Variants in KAZN observed in about 807,000 individuals in gnomAD.
KAZN encodes the protein kazrin, periplakin interacting protein.
A neutral mutation model predicts 87.4 loss-of-function variants in KAZN; 40 were observed. The ratio of observed to expected loss-of-function variants is 0.46; its 90% CI spans 0.36 to 0.60. The LOEUF (loss-of-function observed/expected upper bound fraction) is 0.60, where lower values mean the gene tolerates loss of function less well. Among genes scored for constraint, KAZN ranks in the 20% least tolerant of loss-of-function variants. KAZN has a pLI of 0.00. For synonymous variants in KAZN, 466 were observed against 458.3 expected (o/e 1.02, Z -0.22); for missense variants, 898 against 1,073.9 (o/e 0.84, Z 2.29).
At chr1:14,288,549 T>C (rs565165971) in intron 2 of KAZN, among the ~76,000 whole-genome samples, 34 of 152,304 alleles carry the variant, frequency 2.2e-4, no homozygotes, top group African/African-American at 7.9e-4. Flanking sequence ...TTTTGTTGCG[T>C]CTATTTGATT....
intron 1 of KAZN, among the ~76,000 whole-genome samples, chr1:13,943,954 T>A (rs1164178629): frequency 6.6e-6 from 1 of 152,198 alleles, no homozygotes; most frequent in Non-Finnish European, 1.5e-5. Context: ...GGTGCAATCA[T>A]TTTGGAAAAG....
chr1:14,182,315 G>T (rs756232024), intron 2 of KAZN, among the ~76,000 whole-genome samples: 2 of 152,136 alleles, frequency 1.3e-5, no homozygotes, highest in African/African-American at 4.8e-5. Flanking sequence ...CTGAAGGTAG[G>T]TGTCTACCTG....
chr1:14,756,612 G>T (rs1644573442), intron 1 of KAZN, among the ~76,000 whole-genome samples: 1 of 152,204 alleles, frequency 6.6e-6, no homozygotes, highest in African/African-American at 2.4e-5. Context: ...AATAGAGCCT[G>T]TTTCATTGGA....
chr1:14,774,147 C>G (rs1243007746), intron 1 of KAZN, among the ~76,000 whole-genome samples: 1 of 152,232 alleles, frequency 6.6e-6, no homozygotes, highest in Non-Finnish European at 1.5e-5. Context: ...TTTCTCTTCT[C>G]TCTCACCCCT....
At chr1:14,621,082 C>G (rs1474427256) in intron 1 of KAZN, among the ~76,000 whole-genome samples, 1 of 152,152 alleles carries the variant, frequency 6.6e-6, no homozygotes, top group East Asian at 1.9e-4. Flanking sequence ...TTCTACTTCC[C>G]AGGGGAGCTG....
Position 14,293,455 on chromosome 1 carries a change from C to A in KAZN, c.249+112863C>A, listed in dbSNP as rs1300071384. On this transcript the variant is annotated intron_variant, in intron 2 of 16. Transcript: ENST00000636203. ...CTTCTTCTTTAAGAAAATTCGCATT[C>A]TAATCAATCAAGTTTGAATCCCTTT... 2.6e-5 allele frequency among the ~76,000 whole-genome samples: 4 copies of A among 152,138 alleles called. No individual in the cohort carries two copies. In the South Asian group the frequency reaches 8.3e-4, roughly 32 times the overall value.
At chr1:13,901,633 G>C (rs1207351593) in intron 1 of KAZN, among the ~76,000 whole-genome samples, 1 of 152,236 alleles carries the variant, frequency 6.6e-6, no homozygotes, top group Non-Finnish European at 1.5e-5. Context: ...GGGCCACCAG[G>C]TTACAAGCTC....
chr1:14,732,936 G>A (rs1465649822), intron 1 of KAZN, among the ~76,000 whole-genome samples: 1 of 152,094 alleles, frequency 6.6e-6, no homozygotes, highest in East Asian at 1.9e-4. Context: ...TTTTCTGAAT[G>A]AACAGGGAAA....
chr1:14,418,930 G>GACCA (rs1665090366), intron 2 of KAZN, among the ~76,000 whole-genome samples: 1 of 152,170 alleles, frequency 6.6e-6, no homozygotes, highest in Non-Finnish European at 1.5e-5. Context: ...GGTTTGTGGG[G>GACCA]ACCACCTCGG....
At chr1:14,632,735 T>C (rs1360904822) in intron 1 of KAZN, among the ~76,000 whole-genome samples, 1 of 152,058 alleles carries the variant, frequency 6.6e-6, no homozygotes, top group Non-Finnish European at 1.5e-5. Context: ...AGAAATCCGC[T>C]TGTTTGATTT....
chr1:14,870,501 T>G (rs144612041), intron 1 of KAZN, among the ~76,000 whole-genome samples: 4,138 of 152,132 alleles, frequency 0.027, 208 homozygotes, highest in African/African-American at 0.094. Context: ...ACTACCACAC[T>G]GGCTAATTTT....
intron 4 of KAZN, among the ~76,000 whole-genome samples, chr1:15,047,555 G>A (rs1341981922): frequency 6.6e-6 from 1 of 152,186 alleles, no homozygotes. Context: ...CAGATGACTT[G>A]AGGTCAGGAG....
intron 1 of KAZN, among the ~76,000 whole-genome samples, chr1:14,767,992 C>G (rs1644928264): frequency 6.6e-6 from 1 of 152,174 alleles, no homozygotes; most frequent in African/African-American, 2.4e-5. Flanking sequence ...CAGGTTCAGG[C>G]ACAGAAGGAG....
At chr1:14,717,914 CT>C (rs1223870838) in intron 1 of KAZN, among the ~76,000 whole-genome samples, 2 of 152,240 alleles carry the variant, frequency 1.3e-5, no homozygotes, top group African/African-American at 4.8e-5. Flanking sequence ...TGGCTACCAT[CT>C]TGCCTGCTGT....
intron 1 of KAZN, among the ~76,000 whole-genome samples, chr1:14,615,739 G>A (rs1418055219): frequency 1.3e-5 from 2 of 152,132 alleles, no homozygotes; most frequent in South Asian, 2.1e-4. Flanking sequence ...ACCAGCCTCC[G>A]CAACTTGCAA....
intron 2 of KAZN, among the ~76,000 whole-genome samples, chr1:14,345,210 G>A (rs371264379): frequency 8.6e-5 from 13 of 151,876 alleles, no homozygotes; most frequent in Non-Finnish European, 1.6e-4. Context: ...GAGCCACCAC[G>A]CCAGGCCCAT....
At chr1:14,330,864 G>A (rs1319527009) in intron 2 of KAZN, among the ~76,000 whole-genome samples, 1 of 152,150 alleles carries the variant, frequency 6.6e-6, no homozygotes, top group Non-Finnish European at 1.5e-5. Context: ...AGACTCCCGG[G>A]ATATATCACT....
chr1:14,374,669 G>GGC (rs777083822), intron 2 of KAZN, among the ~76,000 whole-genome samples: 6 of 152,260 alleles, frequency 3.9e-5, no homozygotes, highest in Non-Finnish European at 8.8e-5. Context: ...TCAGGAGTGT[G>GGC]GCCTTTCTGA....
chr1:14,466,336 C>A (rs17410503), intron 2 of KAZN, among the ~76,000 whole-genome samples: 59,903 of 150,840 alleles, frequency 0.4, 12,857 homozygotes, highest in South Asian at 0.54. Flanking sequence ...ATAAGGAAAA[C>A]AAAAAAGGAG....
Sources: allele counts gnomAD v4.1 joint callset (sites outside exome capture counted in the v4.1 genomes callset), GRCh38; gene constraint gnomAD v4.1.1; transcripts MANE v1.5; gene names NCBI Gene and HGNC (gene_info 2026-07-23, HGNC 2026-07-21).